GRM8: variants seen among roughly 807,000 people sequenced by gnomAD.
GRM8 encodes metabotropic glutamate receptor 8.
A neutral mutation model predicts 87.2 loss-of-function variants in GRM8; 47 were observed. The ratio of observed to expected loss-of-function variants is 0.54; its 90% CI spans 0.43 to 0.69. GRM8 has a LOEUF of 0.69. GRM8 is among the 30% of genes least tolerant of loss of function. The probability of loss-of-function intolerance (pLI) is 0.00; values close to 1 mark genes in which losing one functional copy is unlikely to be tolerated. For synonymous variants in GRM8, 396 were observed against 404.5 expected (o/e 0.98, Z 0.25); for missense variants, 1,019 against 1,139.2 (o/e 0.89, Z 1.52).
chr7:126,993,861 C>A (rs1024028171), intron 3 of GRM8, among the ~76,000 whole-genome samples: 2 of 152,204 alleles, frequency 1.3e-5, no homozygotes, highest in Non-Finnish European at 2.9e-5. Context: ...CTTGCTACTG[C>A]AGGCTAAACT....
intron 3 of GRM8, among the ~76,000 whole-genome samples, chr7:126,948,720 A>G (rs1807814112): frequency 6.6e-6 from 1 of 152,118 alleles, no homozygotes. Context: ...TCAATGTGCC[A>G]TTCATCATCA....
intron 6 of GRM8, among the ~76,000 whole-genome samples, chr7:126,807,739 C>G: frequency 6.6e-6 from 1 of 152,072 alleles, no homozygotes; most frequent in East Asian, 1.9e-4. Flanking sequence ...TGGTCCCAGG[C>G]ATGTAGGCAA....
intron 7 of GRM8, among the ~76,000 whole-genome samples, chr7:126,718,559 A>G (rs1812016554): frequency 6.6e-6 from 1 of 152,192 alleles, no homozygotes; most frequent in Non-Finnish European, 1.5e-5. Context: ...TGATGCCTCC[A>G]CTAGCTACTT....
At chr7:126,492,378 C>G (rs529661190) in intron 9 of GRM8, among the ~76,000 whole-genome samples, 1 of 152,110 alleles carries the variant, frequency 6.6e-6, no homozygotes, top group South Asian at 2.1e-4. Context: ...GTGCTAGGAA[C>G]TGTACTAAGA....
intron 9 of GRM8, among the ~76,000 whole-genome samples, chr7:126,487,368 C>G (rs188962413): frequency 4.6e-5 from 7 of 152,010 alleles, no homozygotes; most frequent in Admixed American, 6.6e-5. Context: ...TGGGCTCAAG[C>G]GGTCCCTGTT....
chr7:127,238,278 T>C (rs1798090336), intron 2 of GRM8, among the ~76,000 whole-genome samples: 1 of 151,636 alleles, frequency 6.6e-6, no homozygotes, highest in Non-Finnish European at 1.5e-5. Context: ...CTCTGCCCCA[T>C]GTTAGCTGAT....
chr7:126,841,290 G>C (rs1796248114), intron 6 of GRM8, among the ~76,000 whole-genome samples: 1 of 152,094 alleles, frequency 6.6e-6, no homozygotes, highest in Non-Finnish European at 1.5e-5. Flanking sequence ...TTCTGCTGGT[G>C]GTTTGGCTCC....
At chr7:126,462,463 G>A (rs935602309) in intron 9 of GRM8, among the ~76,000 whole-genome samples, 20 of 151,472 alleles carry the variant, frequency 1.3e-4, no homozygotes, top group Non-Finnish European at 2.5e-4. Context: ...TTAGATAGAC[G>A]TTTGTGGATG....
chr7:126,612,344 T>C (rs893528194), intron 7 of GRM8, among the ~76,000 whole-genome samples: 4 of 152,208 alleles, frequency 2.6e-5, no homozygotes, highest in African/African-American at 9.6e-5. Flanking sequence ...TTCCGGTCCC[T>C]AAATTCATTA....
chr7:126,538,616 A>G lies in GRM8; in HGVS notation c.1495-4729T>C, dbSNP rs562140347. 2.2e-3 allele frequency among the ~76,000 whole-genome samples: 339 copies of G among 152,138 alleles called. 1 individual carries two copies. Among genetic ancestry groups the G allele is most frequent in the Admixed American group, 4.7e-3 (72 of 15,290 alleles). ...CATTTCCTCTTGCTCTACATGTAAT[A>G]ATTTTGTTAATTATTATTAATTAAT... On this transcript the variant is annotated intron_variant, in intron 8 of 10. Transcript: ENST00000339582.
intron 7 of GRM8, among the ~76,000 whole-genome samples, chr7:126,618,950 G>A (rs985941466): frequency 2.0e-5 from 3 of 152,180 alleles, no homozygotes; most frequent in African/African-American, 7.2e-5. Flanking sequence ...TTCAACCATT[G>A]TGGAAGACAG....
At chr7:126,699,985 C>T (rs1809761314) in intron 7 of GRM8, among the ~76,000 whole-genome samples, 1 of 152,090 alleles carries the variant, frequency 6.6e-6, no homozygotes, top group South Asian at 2.1e-4. Flanking sequence ...GTAAGCATCA[C>T]TGCACAGGGA....
At chr7:126,739,927 C>T (rs1396825720) in intron 7 of GRM8, among the ~76,000 whole-genome samples, 1 of 151,934 alleles carries the variant, frequency 6.6e-6, no homozygotes, top group Non-Finnish European at 1.5e-5. Flanking sequence ...CAATATGTAC[C>T]ATATAGCCTA....
intron 8 of GRM8, among the ~76,000 whole-genome samples, chr7:126,591,284 G>C (rs557601060): frequency 6.6e-6 from 1 of 151,922 alleles, no homozygotes; most frequent in Non-Finnish European, 1.5e-5. Flanking sequence ...GACAAAGAGG[G>C]ACATAATACA....
At chr7:127,251,635 C>T (rs1233474450) in intron 1 of GRM8, among the ~76,000 whole-genome samples, 2 of 151,560 alleles carry the variant, frequency 1.3e-5, no homozygotes, top group Non-Finnish European at 2.9e-5. Flanking sequence ...TTCCCGCGCC[C>T]CGGGGCATTC....
chr7:126,815,183 G>A lies in GRM8; in HGVS notation c.1157-45118C>T, dbSNP rs149558103. Reference sequence around the variant, plus strand: ...CTTTTTGTCCATGGCTGTCCAGTTCGTGACAAAAATTCCTGGTCTCATCTG... The same window carrying A: ...CTTTTTGTCCATGGCTGTCCAGTTCATGACAAAAATTCCTGGTCTCATCTG... On this transcript the variant is annotated intron_variant, in intron 6 of 10. Coordinates refer to ENST00000339582, the MANE Select transcript of GRM8 (RefSeq NM_000845.3). 5.7e-3 allele frequency among the ~76,000 whole-genome samples: 863 copies of A among 152,076 alleles called. 12 individuals are homozygous for A. The highest frequency in any genetic ancestry group is 0.02 in the African/African-American group (820 of 41,500).
intron 3 of GRM8, among the ~76,000 whole-genome samples, chr7:126,925,895 C>T (rs1334460183): frequency 6.6e-6 from 1 of 152,178 alleles, no homozygotes; most frequent in Non-Finnish European, 1.5e-5. Flanking sequence ...AATATCACTG[C>T]AATACATATT....
At chr7:126,496,205 A>AAAGGGAGG (rs1485811098) in intron 9 of GRM8, among the ~76,000 whole-genome samples, 1 of 151,864 alleles carries the variant, frequency 6.6e-6, no homozygotes, top group African/African-American at 2.4e-5. Context: ...GGACAGAGAG[A>AAAGGGAGG]AAGGGAGGAA....
intron 2 of GRM8, among the ~76,000 whole-genome samples, chr7:127,155,257 C>G (rs565897065): frequency 2.6e-5 from 4 of 152,050 alleles, no homozygotes; most frequent in Non-Finnish European, 4.4e-5. Flanking sequence ...GCTGGAGCAC[C>G]GAGCAAGATA....
Sources: allele counts gnomAD v4.1 joint callset (sites outside exome capture counted in the v4.1 genomes callset), GRCh38; gene constraint gnomAD v4.1.1; transcripts MANE v1.5; gene names NCBI Gene and HGNC (gene_info 2026-07-23, HGNC 2026-07-21).